Variants in DOK6 observed in about 807,000 individuals in gnomAD.
The protein encoded by DOK6 is downstream of tyrosine kinase 6.
Under a neutral mutation model 44.0 loss-of-function variants are expected in DOK6, and 22 were observed. That is an observed-to-expected ratio of 0.50 (90% CI 0.36 to 0.71). DOK6 has a LOEUF of 0.71. Ranked by LOEUF, DOK6 falls within the 30% of genes least tolerant of loss-of-function variation. DOK6 has a pLI of 0.00. For missense variants in DOK6, 340 were observed against 416.4 expected (o/e 0.82, Z 1.60); for synonymous variants, 166 against 145.5 (o/e 1.14, Z -1.01).
At chr18:69,617,147 C>A (rs1984303939) in intron 3 of DOK6, among the ~76,000 whole-genome samples, 1 of 151,976 alleles carries the variant, frequency 6.6e-6, no homozygotes, top group South Asian at 2.1e-4. Context: ...ATGCAATGTA[C>A]TCTGGTATCA....
chr18:69,462,542 T>C (rs1979816689), intron 1 of DOK6, among the ~76,000 whole-genome samples: 1 of 152,226 alleles, frequency 6.6e-6, no homozygotes, highest in African/African-American at 2.4e-5. Flanking sequence ...GTCATGGGTA[T>C]TTAAAGGTAT....
At chr18:69,726,033 C>T (rs144281073) in intron 5 of DOK6, among the ~76,000 whole-genome samples, 230 of 152,288 alleles carry the variant, frequency 1.5e-3, no homozygotes, top group African/African-American at 5.0e-3. Context: ...TTGATTGTCT[C>T]ACCAGCCAGC....
At chr18:69,627,585 A>G (rs974311255) in intron 3 of DOK6, among the ~76,000 whole-genome samples, 4 of 152,072 alleles carry the variant, frequency 2.6e-5, no homozygotes, top group African/African-American at 9.7e-5. Flanking sequence ...AGTAGCTGGG[A>G]CTGCAGGCGC....
intron 1 of DOK6, among the ~76,000 whole-genome samples, chr18:69,556,505 T>A (rs192600435): frequency 6.6e-6 from 1 of 152,316 alleles, no homozygotes. Context: ...TATTTACAAA[T>A]GTGCTTCTTT....
chr18:69,720,600 T>G (rs1986985085), intron 5 of DOK6, among the ~76,000 whole-genome samples: 1 of 152,164 alleles, frequency 6.6e-6, no homozygotes, highest in South Asian at 2.1e-4. Context: ...TTGCCACGAT[T>G]TACATGGATA....
rs994379903 is a variant in DOK6, at chr18:69,402,889, A to G, written c.66+1579A>G. On this transcript the variant is annotated intron_variant, in intron 1 of 7. Coordinates refer to ENST00000382713, the MANE Select transcript of DOK6 (RefSeq NM_152721.6). ...GGCATATAAGGACGAACCCACGGGA[A>G]AAGCTGCGGTTCTCCAGGAGTCTGG... Among the ~76,000 whole-genome samples, 18 of 152,196 alleles carry G rather than the reference A, an allele frequency of 1.2e-4. 1 individual carries two copies. The highest frequency in any genetic ancestry group is 4.3e-4 in the African/African-American group (18 of 41,452).
chr18:69,561,431 T>C (rs1299894706), intron 1 of DOK6, among the ~76,000 whole-genome samples: 2 of 152,186 alleles, frequency 1.3e-5, no homozygotes, highest in Non-Finnish European at 2.9e-5. Context: ...ATTAAGTTAA[T>C]TAAAGGTAGA....
At chr18:69,815,897 C>T (rs1230732644) in intron 7 of DOK6, among the ~76,000 whole-genome samples, 1 of 151,972 alleles carries the variant, frequency 6.6e-6, no homozygotes, top group Non-Finnish European at 1.5e-5. Context: ...AGTATATTTA[C>T]ATAAAGATCA....
At chr18:69,752,800 A>G (rs987972915) in intron 6 of DOK6, among the ~76,000 whole-genome samples, 10 of 152,166 alleles carry the variant, frequency 6.6e-5, no homozygotes, top group African/African-American at 2.2e-4. Flanking sequence ...TCATGCTTCC[A>G]TAGGTTTCCC....
intron 7 of DOK6, among the ~76,000 whole-genome samples, chr18:69,758,684 G>A (rs1979441884): frequency 6.6e-6 from 1 of 152,182 alleles, no homozygotes; most frequent in Admixed American, 6.5e-5. Context: ...ACAGCCAAGA[G>A]CATTTACTCA....
intron 1 of DOK6, among the ~76,000 whole-genome samples, chr18:69,459,387 C>T (rs1468108676): frequency 1.3e-5 from 2 of 151,738 alleles, no homozygotes; most frequent in African/African-American, 2.4e-5. Flanking sequence ...TTTTTCTGGC[C>T]CTATTTGTTG....
intron 7 of DOK6, among the ~76,000 whole-genome samples, chr18:69,822,704 T>C (rs895718078): frequency 6.6e-6 from 1 of 152,152 alleles, no homozygotes; most frequent in Admixed American, 6.5e-5. Context: ...GTCATTGCCT[T>C]TGCTCACAAA....
chr18:69,573,030 A>G (rs1187359380), intron 2 of DOK6, among the ~76,000 whole-genome samples: 1 of 151,662 alleles, frequency 6.6e-6, no homozygotes, highest in Non-Finnish European at 1.5e-5. Flanking sequence ...CTGTAGGCCT[A>G]TGGGAATGAT....
At chr18:69,825,472 G>T (rs559959585) in intron 7 of DOK6, among the ~76,000 whole-genome samples, 11 of 103,562 alleles carry the variant, frequency 1.1e-4, no homozygotes, top group Non-Finnish European at 1.9e-4. Flanking sequence ...GTCTTGCTCT[G>T]TCACCCAGAC....
At chr18:69,586,526 C>G (rs1346437422) in intron 2 of DOK6, among the ~76,000 whole-genome samples, 1 of 152,170 alleles carries the variant, frequency 6.6e-6, no homozygotes, top group Non-Finnish European at 1.5e-5. Flanking sequence ...GCAAGCCATT[C>G]CCTCTGAAAA....
rs116202580 is a variant in DOK6, at chr18:69,484,799, A to G, written c.67-79688A>G. ...GCCTTCTCCTGCTTAGGAGTCCTGG[A>G]CAGCACTTCAGCACTGTGCTTAGAA... On this transcript the variant is annotated intron_variant, in intron 1 of 7. Coordinates refer to ENST00000382713, the MANE Select transcript of DOK6 (RefSeq NM_152721.6). 2.5e-3 allele frequency among the ~76,000 whole-genome samples: 382 copies of G among 152,250 alleles called. 2 individuals are homozygous for G. The highest frequency in any genetic ancestry group is 8.9e-3 in the African/African-American group (368 of 41,562).
intron 3 of DOK6, among the ~76,000 whole-genome samples, chr18:69,628,407 T>G (rs1984609964): frequency 6.6e-6 from 1 of 152,088 alleles, no homozygotes; most frequent in East Asian, 1.9e-4. Context: ...CAAGAATCTC[T>G]TGAAACTGGG....
At chr18:69,640,393 T>C (rs536921643) in intron 3 of DOK6, among the ~76,000 whole-genome samples, 1 of 152,326 alleles carries the variant, frequency 6.6e-6, no homozygotes, top group African/African-American at 2.4e-5. Context: ...AAAAAGTGCT[T>C]GCAAGCCTGA....
At chr18:69,554,866 G>T (rs1220304334) in intron 1 of DOK6, among the ~76,000 whole-genome samples, 1 of 151,984 alleles carries the variant, frequency 6.6e-6, no homozygotes, top group African/African-American at 2.4e-5. Flanking sequence ...TTTACTTCAG[G>T]TTTCCCTGAG....
Sources: gnomAD v4.1 joint callset for allele counts (sites outside exome capture counted in the v4.1 genomes callset) on GRCh38, gnomAD v4.1.1 for gene constraint, MANE v1.5 for transcripts, NCBI Gene and HGNC (gene_info 2026-07-23, HGNC 2026-07-21) for gene names.